The following ARHGAP15 variants were observed in gnomAD, a reference collection of about 807,000 sequenced individuals.
The protein encoded by ARHGAP15 is Rho GTPase activating protein 15, also known as rho GTPase-activating protein 15.
In ARHGAP15, 51 loss-of-function variants were observed where a neutral mutation model predicts 63.7. That is an observed-to-expected ratio of 0.80 (90% CI 0.64 to 1.01). The LOEUF is 1.01. Ranked by LOEUF, ARHGAP15 falls within the 50% of genes least tolerant of loss-of-function variation. The probability of loss-of-function intolerance (pLI) is 0.00; values close to 1 mark genes in which losing one functional copy is unlikely to be tolerated. For missense variants in ARHGAP15, 560 were observed against 564.6 expected (o/e 0.99, Z 0.08); for synonymous variants, 191 against 193.8 (o/e 0.99, Z 0.12).
At chr2:143,143,812 C>T (rs76413993) in intron 1 of ARHGAP15, among the ~76,000 whole-genome samples, 484 of 151,446 alleles carry the variant, frequency 3.2e-3, no homozygotes, top group African/African-American at 0.011. Context: ...GATTTGTTAC[C>T]TAGATAAACT....
chr2:143,415,538 G>A (rs1291450196), intron 6 of ARHGAP15, among the ~76,000 whole-genome samples: 1 of 152,094 alleles, frequency 6.6e-6, no homozygotes, highest in East Asian at 1.9e-4. Flanking sequence ...AAGAGTCAGG[G>A]AATTGCAGCC....
intron 6 of ARHGAP15, among the ~76,000 whole-genome samples, chr2:143,412,068 C>G (rs1261553358): frequency 6.6e-6 from 1 of 152,108 alleles, no homozygotes; most frequent in Non-Finnish European, 1.5e-5. Flanking sequence ...TCGAGTGTTT[C>G]AATTTGAACC....
At chr2:143,440,963 G>A (rs952586777) in intron 8 of ARHGAP15, among the ~76,000 whole-genome samples, 3 of 152,196 alleles carry the variant, frequency 2.0e-5, no homozygotes, top group South Asian at 2.1e-4. Flanking sequence ...TAACCTTGGC[G>A]AGGTTTCTTA....
intron 6 of ARHGAP15, among the ~76,000 whole-genome samples, chr2:143,299,423 C>G (rs911142275): frequency 2.0e-5 from 3 of 151,896 alleles, no homozygotes; most frequent in Admixed American, 2.0e-4. Context: ...TTGTCTGTAT[C>G]TAATTTAATA....
At chr2:143,745,467 CTA>C (rs993506004) in intron 13 of ARHGAP15, among the ~76,000 whole-genome samples, 2 of 152,170 alleles carry the variant, frequency 1.3e-5, no homozygotes, top group African/African-American at 4.8e-5. Flanking sequence ...AAAACTCAGA[CTA>C]TAGACACACC....
intron 6 of ARHGAP15, among the ~76,000 whole-genome samples, chr2:143,303,453 T>C (rs997545929): frequency 1.3e-4 from 20 of 152,052 alleles, no homozygotes; most frequent in African/African-American, 4.6e-4. Flanking sequence ...TTACACCTTA[T>C]ATAAAAATTA....
intron 11 of ARHGAP15, among the ~76,000 whole-genome samples, chr2:143,604,808 T>C (rs191992699): frequency 6.6e-6 from 1 of 152,332 alleles, no homozygotes; most frequent in East Asian, 1.9e-4. Context: ...TCCTAAATGC[T>C]CTGCTCTCTT....
intron 9 of ARHGAP15, among the ~76,000 whole-genome samples, chr2:143,508,878 G>A (rs567370930): frequency 1.3e-5 from 2 of 152,180 alleles, no homozygotes; most frequent in East Asian, 1.9e-4. Context: ...AGGGGCCAAA[G>A]GGTACTTCAC....
chr2:143,689,709 C>G (rs1475089360), intron 12 of ARHGAP15, among the ~76,000 whole-genome samples: 10 of 152,178 alleles, frequency 6.6e-5, no homozygotes, highest in Non-Finnish European at 2.9e-5. Flanking sequence ...CTCTGTGGCA[C>G]TCTAAAAGAT....
At chr2:143,688,324 TA>T (rs1224277334) in intron 12 of ARHGAP15, among the ~76,000 whole-genome samples, 1 of 152,192 alleles carries the variant, frequency 6.6e-6, no homozygotes, top group Non-Finnish European at 1.5e-5. Context: ...AAAACTTGTT[TA>T]GTATCTCTCC....
intron 13 of ARHGAP15, among the ~76,000 whole-genome samples, chr2:143,723,293 C>T (rs1160061567): frequency 6.6e-6 from 1 of 152,182 alleles, no homozygotes; most frequent in Admixed American, 6.5e-5. Context: ...TCTCAAACAA[C>T]CTATCCATTG....
intron 6 of ARHGAP15, among the ~76,000 whole-genome samples, chr2:143,404,776 C>T (rs1227960553): frequency 1.3e-5 from 2 of 151,820 alleles, no homozygotes; most frequent in Non-Finnish European, 2.9e-5. Context: ...CATCAGGCAA[C>T]AGCATTAAGG....
At chr2:143,218,277 C>CTTTTTTTTTTTTTTTTTTTTTTTTTTTCT (rs762494225) in intron 4 of ARHGAP15, among the ~76,000 whole-genome samples, 3 of 92,032 alleles carry the variant, frequency 3.3e-5, no homozygotes, top group Non-Finnish European at 6.1e-5. Context: ...TTTAGTTTTC[C>CTTTTTTTTTTTTTTTTTTTTTTTTTTTCT]TTTTTTTTTT....
intron 9 of ARHGAP15, among the ~76,000 whole-genome samples, chr2:143,489,716 T>A (rs1692494022): frequency 6.6e-6 from 1 of 152,232 alleles, no homozygotes. Context: ...TAATGATTAA[T>A]GGTTAAATGG....
At chr2:143,459,608 C>T (rs970094725) in intron 8 of ARHGAP15, among the ~76,000 whole-genome samples, 6 of 152,044 alleles carry the variant, frequency 3.9e-5, no homozygotes, top group African/African-American at 1.4e-4. Flanking sequence ...TGGAAATACA[C>T]ACTGAAAGCC....
intron 6 of ARHGAP15, among the ~76,000 whole-genome samples, chr2:143,339,026 G>T (rs1013178185): frequency 6.6e-6 from 1 of 151,996 alleles, no homozygotes; most frequent in Non-Finnish European, 1.5e-5. Context: ...TGTGTTCTTT[G>T]TTGGGGATAG....
At chr2:143,589,068 A>G (rs1364254600) in intron 11 of ARHGAP15, among the ~76,000 whole-genome samples, 1 of 151,858 alleles carries the variant, frequency 6.6e-6, no homozygotes, top group Admixed American at 6.6e-5. Flanking sequence ...CCTACCCACT[A>G]CTCCCTCAGA....
At chr2:143,606,153 T>G (rs1346174194) in intron 11 of ARHGAP15, among the ~76,000 whole-genome samples, 2 of 151,230 alleles carry the variant, frequency 1.3e-5, no homozygotes, top group African/African-American at 4.9e-5. Context: ...GCTTTCTTCA[T>G]AGCTTAACAC....
chr2:143,150,651 AG>A (rs1236871759), intron 1 of ARHGAP15, among the ~76,000 whole-genome samples: 3 of 152,074 alleles, frequency 2.0e-5, no homozygotes, highest in Non-Finnish European at 4.4e-5. Context: ...TGGAGAGTTT[AG>A]TAAAATCAAT....
Sources: allele counts gnomAD v4.1 joint callset (sites outside exome capture counted in the v4.1 genomes callset), GRCh38; gene constraint gnomAD v4.1.1; transcripts MANE v1.5; gene names NCBI Gene and HGNC (gene_info 2026-07-23, HGNC 2026-07-21).